PTPRG: variants seen among roughly 807,000 people sequenced by gnomAD.
PTPRG encodes protein tyrosine phosphatase receptor type G.
Under a neutral mutation model 165.3 loss-of-function variants are expected in PTPRG, and 102 were observed. The ratio of observed to expected loss-of-function variants is 0.62; its 90% CI spans 0.53 to 0.73. The LOEUF is 0.73. Among genes scored for constraint, PTPRG ranks in the 30% least tolerant of loss-of-function variants. The probability of loss-of-function intolerance (pLI) is 0.00; values close to 1 mark genes in which losing one functional copy is unlikely to be tolerated. For missense variants in PTPRG, 1,866 were observed against 1,861.4 expected (o/e 1.00, Z -0.05); for synonymous variants, 675 against 669.5 (o/e 1.01, Z -0.13).
At chr3:61,890,260 C>T (rs1179445502) in intron 2 of PTPRG, among the ~76,000 whole-genome samples, 1 of 152,066 alleles carries the variant, frequency 6.6e-6, no homozygotes, top group Non-Finnish European at 1.5e-5. Flanking sequence ...ACTAAAGTAA[C>T]AATTTAGTGA....
intron 1 of PTPRG, among the ~76,000 whole-genome samples, chr3:61,623,151 T>C (rs1701508559): frequency 6.6e-6 from 1 of 152,168 alleles, no homozygotes; most frequent in South Asian, 2.1e-4. Context: ...GTATGATAGA[T>C]TTTTTTGCTC....
intron 5 of PTPRG, 129 bp downstream of exon 5, chr3:62,078,387 T>C (rs1575974671): frequency 3.2e-6 from 2 of 619,202 alleles, no homozygotes; most frequent in East Asian, 6.0e-5. Context: ...AGATATTTCA[T>C]ATTGTCTAAT....
intron 2 of PTPRG, among the ~76,000 whole-genome samples, chr3:61,881,868 A>G (rs541266832): frequency 2.6e-5 from 4 of 152,264 alleles, no homozygotes; most frequent in Admixed American, 6.5e-5. Flanking sequence ...TTCCTCCATA[A>G]TAGTGTTTCC....
chr3:61,904,607 T>C (rs1364306155), intron 2 of PTPRG, among the ~76,000 whole-genome samples: 1 of 152,192 alleles, frequency 6.6e-6, no homozygotes, highest in Non-Finnish European at 1.5e-5. Context: ...AGTTTCATGG[T>C]TGGCTTTCTA....
intron 2 of PTPRG, among the ~76,000 whole-genome samples, chr3:61,783,381 G>A (rs1398482379): frequency 6.6e-6 from 1 of 152,142 alleles, no homozygotes; most frequent in Admixed American, 6.5e-5. Flanking sequence ...TTCATGCCAA[G>A]CATTCCTAGG....
chr3:61,688,140 C>T (rs1449521117), intron 1 of PTPRG, among the ~76,000 whole-genome samples: 1 of 152,224 alleles, frequency 6.6e-6, no homozygotes, highest in African/African-American at 2.4e-5. Flanking sequence ...GTTGCCAGAA[C>T]TGTCCTGTCA....
intron 1 of PTPRG, among the ~76,000 whole-genome samples, chr3:61,672,780 AGGGAGAGAGAGGGAGAGAGG>A (rs1559550867): frequency 5.1e-5 from 6 of 118,066 alleles, no homozygotes; most frequent in African/African-American, 1.5e-4. Context: ...AGAGGGAGAG[AGGGAGAGAGAGGGAGAGAGG>A]GGGAGAGAGA....
intron 2 of PTPRG, among the ~76,000 whole-genome samples, chr3:61,907,423 G>C (rs2038684011): frequency 6.6e-6 from 1 of 152,098 alleles, no homozygotes; most frequent in African/African-American, 2.4e-5. Flanking sequence ...ATTCTTCTCA[G>C]CATTGCTCTG....
intron 6 of PTPRG, among the ~76,000 whole-genome samples, chr3:62,147,065 C>T (rs1193351631): frequency 6.6e-6 from 1 of 152,190 alleles, no homozygotes; most frequent in African/African-American, 2.4e-5. Context: ...GACTGAAACC[C>T]AGGTCTTAAC....
chr3:62,060,833 C>T (rs1407972882), intron 4 of PTPRG, among the ~76,000 whole-genome samples: 1 of 152,026 alleles, frequency 6.6e-6, no homozygotes, highest in African/African-American at 2.4e-5. Flanking sequence ...GGTTTTCTGC[C>T]CTCCTTTATC....
At chr3:61,992,909 T>C (rs1170238877) in intron 3 of PTPRG, among the ~76,000 whole-genome samples, 1 of 152,176 alleles carries the variant, frequency 6.6e-6, no homozygotes, top group Non-Finnish European at 1.5e-5. Flanking sequence ...TCAAGTGATC[T>C]GCCTGCCTCA....
chr3:61,942,665 C>G (rs1417474700), intron 2 of PTPRG, among the ~76,000 whole-genome samples: 1 of 152,190 alleles, frequency 6.6e-6, no homozygotes, highest in Admixed American at 6.5e-5. Flanking sequence ...ACAGCTATTA[C>G]ACAGCTATTA....
intron 2 of PTPRG, among the ~76,000 whole-genome samples, chr3:61,862,178 T>G (rs141777458): frequency 5.3e-5 from 8 of 152,210 alleles, no homozygotes; most frequent in Admixed American, 2.0e-4. Flanking sequence ...GGGTCTAGAT[T>G]CCTTGCTCCT....
At position 62,273,555 on chromosome 3, in the gene PTPRG, G is replaced by C. The variant is rs991072760; in HGVS notation, c.3319-143G>C. The C allele has an allele frequency of 3.8e-6, 3 of 783,414 alleles. No homozygotes were observed. The African/African-American group carries it at 5.2e-5, about 14-fold the overall frequency. 48.5% of individuals were successfully genotyped at this position (783,414 alleles called of 1,614,324 possible). The stretch of plus-strand genomic sequence containing the variant: ...GTTAAGACTGATAAAGTGAGTATTG[G>C]AGCAAATCACCTAGCTGTAAGTGCT... On this transcript the variant is annotated intron_variant, in intron 22 of 29. Transcript: ENST00000474889. This position sits in a 1 kb window ranked among gnomAD's most constrained non-coding sequence, Gnocchi z 4.1.
chr3:61,957,742 A>G (rs1430022845), intron 2 of PTPRG, among the ~76,000 whole-genome samples: 1 of 152,164 alleles, frequency 6.6e-6, no homozygotes, highest in African/African-American at 2.4e-5. Flanking sequence ...CTTACAGGCA[A>G]TTTGTGAAGA....
rs1040370302 is a variant in PTPRG at position 62,217,396 on chromosome 3, C to T, written c.2156-1455C>T. On this transcript the variant is annotated intron_variant, in intron 12 of 29. Coordinates refer to ENST00000474889, the MANE Select transcript of PTPRG (RefSeq NM_002841.4). The surrounding 1 kb of genome is among the most constrained non-coding windows in gnomAD (Gnocchi z 4.3). The stretch of plus-strand genomic sequence containing the variant: ...ATGCATTAGAGGAAATCCAGTGAAA[C>T]GCATCGTAACACACTTCTTCCTGAC... 2.0e-5 allele frequency among the ~76,000 whole-genome samples: 3 copies of T among 152,166 alleles called. No homozygotes were observed. Among genetic ancestry groups the T allele is most frequent in the Non-Finnish European group, 4.4e-5 (3 of 68,038 alleles).
intron 4 of PTPRG, among the ~76,000 whole-genome samples, chr3:62,033,020 A>T (rs1242751700): frequency 1.3e-5 from 2 of 152,204 alleles, no homozygotes; most frequent in Non-Finnish European, 2.9e-5. Context: ...TTAATCTCAC[A>T]TTGGATGTTC....
chr3:62,089,079 C>T (rs960006333), intron 5 of PTPRG, among the ~76,000 whole-genome samples: 1 of 152,192 alleles, frequency 6.6e-6, no homozygotes, highest in Non-Finnish European at 1.5e-5. Flanking sequence ...TCTCTATCTA[C>T]AGCATCTTAA....
intron 2 of PTPRG, among the ~76,000 whole-genome samples, chr3:61,822,774 A>C (rs924858198): frequency 6.6e-6 from 1 of 152,184 alleles, no homozygotes; most frequent in Non-Finnish European, 1.5e-5. Context: ...TGGTGTAGCA[A>C]CCTTTACCCT....
Sources: allele counts gnomAD v4.1 joint callset (sites outside exome capture counted in the v4.1 genomes callset), GRCh38; gene constraint gnomAD v4.1.1; non-coding constraint Gnocchi (gnomAD v3.1); transcripts MANE v1.5; gene names NCBI Gene and HGNC (gene_info 2026-07-23, HGNC 2026-07-21).